Variants in COL19A1 observed in about 807,000 individuals in gnomAD.
The protein encoded by COL19A1 is collagen alpha-1(XIX) chain.
A neutral mutation model predicts 190.2 loss-of-function variants in COL19A1; 159 were observed. That is an observed-to-expected ratio of 0.84 (90% CI 0.73 to 0.95). The LOEUF (loss-of-function observed/expected upper bound fraction) is 0.95. Among genes scored for constraint, COL19A1 ranks in the 40% least tolerant of loss-of-function variants. COL19A1 has a pLI of 0.00. For missense variants in COL19A1, 1,418 were observed against 1,431.9 expected (o/e 0.99, Z 0.16); for synonymous variants, 509 against 458.9 (o/e 1.11, Z -1.39).
intron 11 of COL19A1, among the ~76,000 whole-genome samples, chr6:70,005,434 G>T (rs1428545008): frequency 6.6e-6 from 1 of 152,052 alleles, no homozygotes; most frequent in Admixed American, 6.5e-5. Context: ...GCTACGGTTT[G>T]CTCGGGGTTC....
At chr6:70,059,766 TA>T in intron 14 of COL19A1, 1 of 527,944 alleles carries the variant, frequency 1.9e-6, no homozygotes, top group Non-Finnish European at 3.9e-6. Context: ...GTGAAAATGC[TA>T]AATCCAATCT....
intron 3 of COL19A1, 83 bp from the exon 4 acceptor site, chr6:69,900,156 T>C: frequency 1.3e-6 from 1 of 792,182 alleles, no homozygotes; most frequent in Non-Finnish European, 1.9e-6. Context: ...AATCAATTAA[T>C]AGATAAGGGC....
intron 14 of COL19A1, among the ~76,000 whole-genome samples, chr6:70,065,742 G>T (rs1164116260): frequency 6.6e-6 from 1 of 151,974 alleles, no homozygotes; most frequent in Admixed American, 6.6e-5. Context: ...AATCTACAAA[G>T]AACTCAAACA....
At chr6:70,021,688 G>A (rs746587509) in intron 11 of COL19A1, among the ~76,000 whole-genome samples, 27 of 152,146 alleles carry the variant, frequency 1.8e-4, no homozygotes, top group Non-Finnish European at 3.2e-4. Flanking sequence ...GGAATTTATC[G>A]TGATGATGGA....
chr6:70,059,744 G>A (rs770972204), intron 14 of COL19A1: 5 of 525,158 alleles, frequency 9.5e-6, no homozygotes, highest in Non-Finnish European at 1.9e-5. Flanking sequence ...GACCTATGCA[G>A]ATGTTTACCT....
At chr6:70,093,725 C>T (rs767939855) in intron 15 of COL19A1, among the ~76,000 whole-genome samples, 22 of 152,096 alleles carry the variant, frequency 1.4e-4, no homozygotes, top group Non-Finnish European at 2.1e-4. Context: ...ATCAAGGAAA[C>T]GTTAATCCTG....
intron 11 of COL19A1, among the ~76,000 whole-genome samples, chr6:69,982,782 C>G (rs1426021018): frequency 6.6e-6 from 1 of 150,476 alleles, no homozygotes; most frequent in East Asian, 2.0e-4. Flanking sequence ...ACCATCCTAG[C>G]CAACACAGTG....
intron 4 of COL19A1, among the ~76,000 whole-genome samples, chr6:69,921,356 A>ATATCTATATAT (rs1248844320): frequency 1.1e-5 from 1 of 90,384 alleles, no homozygotes; most frequent in Non-Finnish European, 2.1e-5. Flanking sequence ...CATATATCAT[A>ATATCTATATAT]ATCATATATA....
chr6:69,924,601 C>T (rs1406573561), intron 4 of COL19A1, among the ~76,000 whole-genome samples: 1 of 151,832 alleles, frequency 6.6e-6, no homozygotes, highest in Non-Finnish European at 1.5e-5. Context: ...GATTTATAAT[C>T]CTTTGGGTAT....
At chr6:70,163,040 G>T (rs902491497) in intron 35 of COL19A1, among the ~76,000 whole-genome samples, 1 of 152,086 alleles carries the variant, frequency 6.6e-6, no homozygotes, top group Non-Finnish European at 1.5e-5. Flanking sequence ...AAGGCATAAT[G>T]TTATGTAAAT....
intron 11 of COL19A1, among the ~76,000 whole-genome samples, chr6:69,986,221 T>TA (rs1776305417): frequency 1.4e-5 from 2 of 138,290 alleles, no homozygotes; most frequent in Non-Finnish European, 3.1e-5. Context: ...CTTACACGTT[T>TA]TATATATATA....
intron 14 of COL19A1, among the ~76,000 whole-genome samples, chr6:70,062,303 C>G (rs1285234133): frequency 6.6e-6 from 1 of 151,816 alleles, no homozygotes; most frequent in African/African-American, 2.4e-5. Flanking sequence ...CAAATGAAAG[C>G]CATCTGATTT....
At chr6:70,054,086 C>A (rs943683372) in intron 14 of COL19A1, among the ~76,000 whole-genome samples, 2 of 152,182 alleles carry the variant, frequency 1.3e-5, no homozygotes, top group Admixed American at 6.5e-5. Context: ...TGCAGTGGCT[C>A]ACGCCTTAAT....
In COL19A1 at chr6:70,023,628, G is replaced by A; in HGVS notation, c.1028G>A (p.Gly343Asp). The change falls in exon 12 of 51, where the codon GGT becomes GAT. Residue 343 changes from glycine to aspartate, a missense_variant and splice_region_variant. Coordinates refer to ENST00000620364, the MANE Select transcript of COL19A1 (RefSeq NM_001858.6). ...ATTGTATAAATTGTTTCTTTTTAGGGTGAACAAGGAGAAAAAGGAGATCCA... is the reference window on the plus strand; with the variant it reads ...ATTGTATAAATTGTTTCTTTTTAGGATGAACAAGGAGAAAAAGGAGATCCA... ...EGSKGETGEK[G>D]EQGEKGDPAL... The A allele has an allele frequency of 1.2e-6, 2 of 1,607,200 alleles. No homozygotes were observed. The highest frequency in any genetic ancestry group is 1.7e-6 in the Non-Finnish European group (2 of 1,178,080).
intron 37 of COL19A1, among the ~76,000 whole-genome samples, 185 bp downstream of exon 37, chr6:70,166,170 A>G (rs1264122938): frequency 6.6e-6 from 1 of 152,170 alleles, no homozygotes; most frequent in Non-Finnish European, 1.5e-5. Context: ...TTCAGCCTCA[A>G]TGTGCAATGC....
chr6:70,151,225 G>A (rs558825006), intron 30 of COL19A1, among the ~76,000 whole-genome samples, 172 bp from the exon 31 acceptor site: 1 of 152,268 alleles, frequency 6.6e-6, no homozygotes, highest in South Asian at 2.1e-4. Flanking sequence ...TTCTATCAGT[G>A]CCATGTGCAC....
intron 12 of COL19A1, among the ~76,000 whole-genome samples, chr6:70,026,956 G>C (rs1351574113): frequency 6.6e-6 from 1 of 152,112 alleles, no homozygotes; most frequent in African/African-American, 2.4e-5. Context: ...TAAAAAAACT[G>C]AGTCTGCAAA....
chr6:69,876,978 G>T (rs766792832), intron 1 of COL19A1, among the ~76,000 whole-genome samples: 50 of 152,144 alleles, frequency 3.3e-4, no homozygotes, highest in Non-Finnish European at 7.1e-4. Flanking sequence ...CACCCAGAAA[G>T]ATCTGAAATC....
At chr6:70,042,025 G>A (rs1056764340) in intron 14 of COL19A1, among the ~76,000 whole-genome samples, 2 of 152,050 alleles carry the variant, frequency 1.3e-5, no homozygotes, top group Admixed American at 6.6e-5. Flanking sequence ...AGATTGCACC[G>A]CTGCACTCCA....
Sources: allele counts gnomAD v4.1 joint callset (sites outside exome capture counted in the v4.1 genomes callset), GRCh38; gene constraint gnomAD v4.1.1; transcripts MANE v1.5; gene names NCBI Gene and HGNC (gene_info 2026-07-23, HGNC 2026-07-21).